GPR157: variants seen among roughly 807,000 people sequenced by gnomAD.
GPR157 encodes G-protein coupled receptor 157.
In GPR157, 16 loss-of-function variants were observed where a neutral mutation model predicts 23.5. The ratio of observed to expected loss-of-function variants is 0.68; its 90% CI spans 0.46 to 1.04. The LOEUF is 1.04. GPR157 is among the 50% of genes least tolerant of loss of function. The pLI, the probability that GPR157 is intolerant of heterozygous loss-of-function variation, is 0.00. For missense variants in GPR157, 440 were observed against 460.7 expected, an observed-to-expected ratio of 0.96 and a Z score of 0.41; for synonymous variants, 200 against 221.5, an observed-to-expected ratio of 0.90 and a Z score of 0.86.
intron 2 of GPR157, among the ~76,000 whole-genome samples, chr1:9,109,237 C>T (rs1638422284): frequency 6.6e-6 from 1 of 151,796 alleles, no homozygotes; most frequent in Non-Finnish European, 1.5e-5. Context: ...CACCTGCCAC[C>T]ACGCCCAGCT....
rs12753196 is a variant in GPR157, at chr1:9,105,759, C to A, written c.598-79G>T. The A allele has an allele frequency of 0.12, 151,130 of 1,287,106 alleles. 9,627 individuals are homozygous for A. The highest frequency in any genetic ancestry group is 0.16 in the Middle Eastern group (662 of 4,212). The allele number at this position is 1,287,106 out of a possible 1,614,324, so 79.7% of individuals were successfully genotyped here. On this transcript the variant is annotated intron_variant, in intron 2 of 3. Transcript: ENST00000377411. The surrounding 1 kb of genome is among the most constrained non-coding windows in gnomAD (Gnocchi z 4.8). ...TCCACCCAGGCTGCCCAGGTCTTCC[C>A]AGGGACTTGAACTAGCTCAGGGAGG...
chr1:9,107,771 C>CA (rs1638378408), intron 2 of GPR157, among the ~76,000 whole-genome samples: 1 of 152,014 alleles, frequency 6.6e-6, no homozygotes, highest in Non-Finnish European at 1.5e-5. Context: ...ACTAAAAATA[C>CA]AAAAAAATTA....
At chr1:9,115,833 G>GTT (rs77482189) in intron 1 of GPR157, among the ~76,000 whole-genome samples, 12 of 136,600 alleles carry the variant, frequency 8.8e-5, no homozygotes, top group Non-Finnish European at 1.1e-4. Flanking sequence ...CTGGCCCACA[G>GTT]TTTTTTTTTT....
intron 1 of GPR157, among the ~76,000 whole-genome samples, chr1:9,127,520 C>T (rs937732024): frequency 2.6e-5 from 4 of 152,144 alleles, no homozygotes; most frequent in Non-Finnish European, 5.9e-5. Context: ...AAGGCAGGGC[C>T]CTATTCCATC....
intron 1 of GPR157, among the ~76,000 whole-genome samples, chr1:9,123,446 CAT>C (rs1447863996): frequency 8.5e-4 from 82 of 96,960 alleles, no homozygotes; most frequent in African/African-American, 2.3e-3. Context: ...AATTTAAATA[CAT>C]ATTAAAATAT....
intron 1 of GPR157, among the ~76,000 whole-genome samples, chr1:9,123,659 A>AAATATATATTTAATATTAAATATATATTT (rs1440708709): frequency 0.016 from 1,719 of 109,094 alleles, 88 homozygotes; most frequent in East Asian, 0.11. Flanking sequence ...AATATATATT[A>AAATATATATTTAATATTAAATATATATTT]AATATATATT....
chr1:9,116,292 A>AGTATATATAATAT (rs74196114), intron 1 of GPR157, among the ~76,000 whole-genome samples: 1 of 6,848 alleles, frequency 1.5e-4, no homozygotes, highest in Non-Finnish European at 2.0e-4. Flanking sequence ...AATTATATAT[A>AGTATATATAATAT]AATTATATAT....
intron 1 of GPR157, among the ~76,000 whole-genome samples, chr1:9,119,546 C>A (rs1258597636): frequency 6.6e-6 from 1 of 152,130 alleles, no homozygotes; most frequent in Non-Finnish European, 1.5e-5. Flanking sequence ...TTGTCTAAGC[C>A]CCCAGGCTGT....
At chr1:9,116,377 T>TA (rs1638679585) in intron 1 of GPR157, among the ~76,000 whole-genome samples, 2 of 15,848 alleles carry the variant, frequency 1.3e-4, no homozygotes, top group South Asian at 1.6e-3. Context: ...ATATATATAT[T>TA]TTTTCACCAC....
In GPR157 at chr1:9,129,080, G is replaced by C. The variant is rs1482095720; in HGVS notation, c.-53C>G. 2.5e-6 allele frequency: 3 copies of C among 1,208,336 alleles called. No homozygotes were observed. The South Asian group carries it at 1.2e-4, about 49-fold the overall frequency. 74.9% of individuals were successfully genotyped at this position (1,208,336 alleles called of 1,614,324 possible). ...CGCGAGGACAGAAGCCGGGCCGCGC[G>C]TGCGGCCACGCCGCCGCCGTCTGGG... On this transcript the variant is annotated 5_prime_UTR_variant, in exon 1 of 4. Coordinates refer to ENST00000377411, the MANE Select transcript of GPR157 (RefSeq NM_024980.5).
rs1638728442 is a variant in GPR157, at chr1:9,118,285, C to T, written c.384-6796G>A. ...AGCTTCCACTGAGAGAAGGTGAGTG[C>T]TCATGTTCAGGGGGTGCCATGACAG... is the stretch of plus-strand genomic sequence containing the variant. On this transcript the variant is annotated intron_variant, in intron 1 of 3. Coordinates refer to ENST00000377411, the MANE Select transcript of GPR157 (RefSeq NM_024980.5). This position sits in a 1 kb window ranked among gnomAD's most constrained non-coding sequence, Gnocchi z 4.6. Among the ~76,000 whole-genome samples the T allele has an allele frequency of 6.6e-6, 1 of 151,952 alleles. No individual in the cohort carries two copies. Among genetic ancestry groups the T allele is most frequent in the Non-Finnish European group, 1.5e-5 (1 of 67,976 alleles).
intron 1 of GPR157, among the ~76,000 whole-genome samples, chr1:9,126,443 C>T (rs900108447): frequency 2.0e-5 from 3 of 152,136 alleles, no homozygotes; most frequent in Non-Finnish European, 4.4e-5. Context: ...AATTCCTAAA[C>T]GCACATTAGA....
intron 2 of GPR157, 100 bp downstream of exon 2, chr1:9,111,176 G>C: frequency 9.4e-7 from 1 of 1,065,870 alleles, no homozygotes; most frequent in Non-Finnish European, 1.4e-6. Context: ...TGTCCCCAGA[G>C]ACGCAACCTG....
Position 9,128,710 on chromosome 1 carries a change from G to C in GPR157, c.318C>G (p.Leu106=), listed in dbSNP as rs1201832866. Reference sequence around the variant, plus strand: ...GCCCGCGCGCGGCGCGGACGATGCTGAGGTACAAGTAGAGCGCAATGGCCA... The same window carrying C: ...GCCCGCGCGCGGCGCGGACGATGCTCAGGTACAAGTAGAGCGCAATGGCCA... The part of the protein sequence containing the change: ...WTVAIALYLY[L]SIVRAARGPR... Residue 106 remains leucine, a synonymous_variant, in exon 1 of 4, where the codon CTC becomes CTG. Coordinates refer to ENST00000377411, the MANE Select transcript of GPR157 (RefSeq NM_024980.5). This position sits in a 1 kb window ranked among gnomAD's most constrained non-coding sequence, Gnocchi z 6.3. 1 of 1,613,326 alleles carries C rather than the reference G, an allele frequency of 6.2e-7. No homozygotes were observed. Among genetic ancestry groups the C allele is most frequent in the Non-Finnish European group, 8.5e-7 (1 of 1,179,928 alleles).
At chr1:9,117,897 A>G (rs2124521742) in intron 1 of GPR157, among the ~76,000 whole-genome samples, 1 of 152,336 alleles carries the variant, frequency 6.6e-6, no homozygotes, top group East Asian at 1.9e-4. Flanking sequence ...TAAAGCCAGA[A>G]CAAGTAACAC....
rs560058846 is a variant in GPR157, at chr1:9,102,026, G to C, written c.*2393C>G. On this transcript the variant is annotated 3_prime_UTR_variant, in exon 4 of 4. Coordinates refer to ENST00000377411, the MANE Select transcript of GPR157 (RefSeq NM_024980.5). ...GGGAATCCAGAATTCACTTACAGAG[G>C]CTATTTCTGCCAAGTGGCTTTCCCT... 7 of 152,298 alleles carry C rather than the reference G, an allele frequency of 4.6e-5. No homozygotes were observed. The highest frequency in any genetic ancestry group is 1.7e-4 in the African/African-American group (7 of 41,564). The allele number at this position is 152,298 out of a possible 1,614,324, so 9.4% of individuals were successfully genotyped here. A position where few individuals can be genotyped will look rare whatever the true frequency, so the allele number is the denominator to read the frequency against.
chr1:9,128,580 G>A lies in GPR157; in HGVS notation c.383+65C>T. ...CCAACCTAGACGCGGCCTCTGGGAG[G>A]GCAAGACCGGGAGGGGTCGGCCTGT... is the stretch of plus-strand genomic sequence containing the variant. On this transcript the variant is annotated intron_variant, in intron 1 of 3. Transcript: ENST00000377411. This position sits in a 1 kb window ranked among gnomAD's most constrained non-coding sequence, Gnocchi z 6.3. The A allele has an allele frequency of 2.7e-6, 4 of 1,501,354 alleles. No individual in the cohort carries two copies. The highest frequency in any genetic ancestry group is 2.7e-5 in the African/African-American group (2 of 72,892). 93.0% of individuals were successfully genotyped at this position (1,501,354 alleles called of 1,614,324 possible).
At chr1:9,109,565 G>A (rs978754304) in intron 2 of GPR157, among the ~76,000 whole-genome samples, 2 of 151,064 alleles carry the variant, frequency 1.3e-5, no homozygotes, top group African/African-American at 4.9e-5. Flanking sequence ...GCTAATTTTT[G>A]TTATTTTTGG....
At position 9,111,374 on chromosome 1, in the gene GPR157, C is replaced by T; in HGVS notation, c.499G>A (p.Val167Ile). ...TTCCCCGTCAGCAGCATCCACAGGA[C>T]ATGGTCCTTGGCCTCCAGGTCGATC... is the stretch of plus-strand genomic sequence containing the variant. ...CWIDLEAKDHVLWMLLTGKLW... is the reference protein window; with the variant it reads ...CWIDLEAKDHILWMLLTGKLW... The change falls in exon 2 of 4, where the codon GTC becomes ATC. Residue 167 changes from valine to isoleucine, a missense_variant. Val to Ile is a conservative substitution (Grantham distance 29). Coordinates refer to ENST00000377411, the MANE Select transcript of GPR157 (RefSeq NM_024980.5). The T allele has an allele frequency of 1.2e-6, 2 of 1,614,248 alleles. No individual in the cohort carries two copies. The highest frequency in any genetic ancestry group is 1.7e-6 in the Non-Finnish European group (2 of 1,180,054).
Sources: allele counts gnomAD v4.1 joint callset (sites outside exome capture counted in the v4.1 genomes callset), GRCh38; gene constraint gnomAD v4.1.1; non-coding constraint Gnocchi (gnomAD v3.1); transcripts MANE v1.5; gene names NCBI Gene and HGNC (gene_info 2026-07-23, HGNC 2026-07-21).